Variants in ANKS1A observed in about 807,000 individuals in gnomAD.
The protein encoded by ANKS1A is ankyrin repeat and SAM domain-containing protein 1A.
ANKS1A carries 55 observed loss-of-function variants against 120.3 expected under a neutral mutation model. That is an observed-to-expected ratio of 0.46 (90% CI 0.37 to 0.57). The LOEUF (loss-of-function observed/expected upper bound fraction) is 0.57. ANKS1A is among the 20% of genes least tolerant of loss of function. The probability of loss-of-function intolerance (pLI) is 0.00; values close to 1 mark genes in which losing one functional copy is unlikely to be tolerated. For missense variants in ANKS1A, 1,123 were observed against 1,480.3 expected, an observed-to-expected ratio of 0.76 and a Z score of 3.96; for synonymous variants, 590 against 604.7, an observed-to-expected ratio of 0.98 and a Z score of 0.36.
intron 1 of ANKS1A, among the ~76,000 whole-genome samples, chr6:34,927,661 A>C (rs1346880540): frequency 6.6e-6 from 1 of 152,150 alleles, no homozygotes; most frequent in African/African-American, 2.4e-5. Flanking sequence ...CTTGGGCATA[A>C]AGAGGCAGGT....
intron 13 of ANKS1A, among the ~76,000 whole-genome samples, chr6:35,063,447 G>A (rs1214819611): frequency 1.3e-5 from 2 of 152,370 alleles, no homozygotes; most frequent in South Asian, 4.1e-4. Flanking sequence ...TTGAATAAAC[G>A]ATGGTGGTCC....
rs910680217 is a variant in ANKS1A at position 35,058,888 on chromosome 6, G to A, written c.2078-1259G>A. On this transcript the variant is annotated intron_variant, in intron 12 of 23. Transcript: ENST00000360359. The surrounding 1 kb of genome is among the most constrained non-coding windows in gnomAD (Gnocchi z 5.1). ...CCAAAATCCCCATGCTGATCGAGGAGCAAATAGATGTCCTCCCTTCCCTGC... is the reference window on the plus strand; with the variant it reads ...CCAAAATCCCCATGCTGATCGAGGAACAAATAGATGTCCTCCCTTCCCTGC... 6.6e-6 allele frequency among the ~76,000 whole-genome samples: 1 copy of A among 152,184 alleles called. No homozygotes were observed. The highest frequency in any genetic ancestry group is 1.5e-5 in the Non-Finnish European group (1 of 68,036).
At chr6:35,059,564 C>T (rs1261017718) in intron 12 of ANKS1A, among the ~76,000 whole-genome samples, 2 of 152,240 alleles carry the variant, frequency 1.3e-5, no homozygotes, top group African/African-American at 2.4e-5. Context: ...GCTTCCCTCC[C>T]GGAGCCCTCG....
chr6:34,904,718 G>A (rs1007171802), intron 1 of ANKS1A, among the ~76,000 whole-genome samples: 5 of 152,206 alleles, frequency 3.3e-5, no homozygotes, highest in South Asian at 2.1e-4. Flanking sequence ...GTGACAGAGC[G>A]AGACTCCATA....
At chr6:34,926,383 C>T (rs2127469868) in intron 1 of ANKS1A, among the ~76,000 whole-genome samples, 1 of 152,274 alleles carries the variant, frequency 6.6e-6, no homozygotes, top group Middle Eastern at 3.4e-3. Flanking sequence ...CCATTCATGC[C>T]TGTGATGGGG....
chr6:34,994,312 T>C lies in ANKS1A; in HGVS notation c.1313T>C (p.Met438Thr), dbSNP rs770191628. ...GTTTCTCTCCCTTAGGTTCTGTCCA[T>C]GAGACCTAGGATTCATGGGAGTGCA... is the stretch of plus-strand genomic sequence containing the variant. ...FPLTASEVLS[M>T]RPRIHGSAAR... Residue 438 changes from methionine (M) to threonine (T), a missense_variant, in exon 10 of 24, where the codon ATG (methionine) becomes ACG (threonine). Physicochemically the swap from Met to Thr is moderately conservative, Grantham distance 81. Transcript: ENST00000360359. 51 of 1,612,254 alleles carry C rather than the reference T, an allele frequency of 3.2e-5. No individual in the cohort carries two copies. The highest frequency in any genetic ancestry group is 4.2e-5 in the Non-Finnish European group (49 of 1,178,740).
chr6:35,054,383 G>A (rs900887237), intron 12 of ANKS1A, among the ~76,000 whole-genome samples: 7 of 152,150 alleles, frequency 4.6e-5, no homozygotes, highest in African/African-American at 1.7e-4. Context: ...GAGGGGAAAA[G>A]GGACAAAATG....
At chr6:34,979,214 C>T (rs1019885767) in intron 3 of ANKS1A, among the ~76,000 whole-genome samples, 1 of 152,208 alleles carries the variant, frequency 6.6e-6, no homozygotes, top group Non-Finnish European at 1.5e-5. Context: ...TATTTTTAAG[C>T]TCCCATGTAA....
chr6:35,042,195 C>G (rs1281615563), intron 11 of ANKS1A, among the ~76,000 whole-genome samples: 1 of 152,028 alleles, frequency 6.6e-6, no homozygotes, highest in African/African-American at 2.4e-5. Flanking sequence ...GAACACAGTT[C>G]CTTGTTGTTG....
At chr6:34,953,472 A>C (rs1770190341) in intron 1 of ANKS1A, among the ~76,000 whole-genome samples, 1 of 152,202 alleles carries the variant, frequency 6.6e-6, no homozygotes, top group Non-Finnish European at 1.5e-5. Context: ...GGAATGCAGA[A>C]AACTGGGAAA....
intron 11 of ANKS1A, among the ~76,000 whole-genome samples, chr6:35,024,629 GA>G (rs1774516039): frequency 6.6e-6 from 1 of 152,332 alleles, no homozygotes; most frequent in South Asian, 2.1e-4. Flanking sequence ...GGTAGCTGAG[GA>G]AACCCTTGGC....
intron 1 of ANKS1A, among the ~76,000 whole-genome samples, chr6:34,948,375 CT>C (rs891134955): frequency 2.0e-5 from 3 of 152,084 alleles, no homozygotes; most frequent in Non-Finnish European, 4.4e-5. Context: ...CTGAATATAA[CT>C]TTTAGAAAAG....
At chr6:34,916,434 A>C (rs560738823) in intron 1 of ANKS1A, among the ~76,000 whole-genome samples, 1 of 152,336 alleles carries the variant, frequency 6.6e-6, no homozygotes, top group African/African-American at 2.4e-5. Flanking sequence ...TGTGAAAATA[A>C]AATTACTTTG....
At chr6:34,999,283 G>C (rs1441092205) in intron 10 of ANKS1A, among the ~76,000 whole-genome samples, 3 of 152,206 alleles carry the variant, frequency 2.0e-5, no homozygotes, top group Admixed American at 6.5e-5. Flanking sequence ...CACCCATGGC[G>C]TGCCTGTACC....
rs1166557490 is a variant in ANKS1A, at chr6:34,974,027, T to TCCCTTC, written c.435+3874_435+3879dup. Among the ~76,000 whole-genome samples the TCCCTTC allele has an allele frequency of 1.7e-3, 85 of 51,418 alleles. 5 individuals carry two copies. The highest frequency in any genetic ancestry group is 4.2e-3 in the African/African-American group (42 of 10,026). The allele number at this position is 51,418 out of a possible 152,430, so 33.7% of individuals were successfully genotyped here. A position where few individuals can be genotyped will look rare whatever the true frequency, so the allele number is the denominator to read the frequency against. On this transcript the variant is annotated intron_variant, in intron 3 of 23. Transcript: ENST00000360359. ...CTTCCCCTTCCTCTTCCCTTTCCCT[T>TCCCTTC]CCCTTCCCCTTCCCCTTCTCTTCCC...
chr6:34,989,124 C>T, intron 8 of ANKS1A, 100 bp from the exon 9 acceptor site: 1 of 1,045,980 alleles, frequency 9.6e-7, no homozygotes, highest in Non-Finnish European at 1.4e-6. Context: ...GAGTTCCATA[C>T]ATTATTTTTT....
In ANKS1A at chr6:34,989,287, A is replaced by G; in HGVS notation, c.1273A>G (p.Lys425Glu). 1 of 1,614,052 alleles carries G rather than the reference A, an allele frequency of 6.2e-7. No homozygotes were observed. The highest frequency in any genetic ancestry group is 8.5e-7 in the Non-Finnish European group (1 of 1,179,920). ...PDEEEEDHID[K>E]KYFPLTASEV... ...TGAAGAGGAAGAAGACCACATAGAT[A>G]AGAAGTATTTTCCCTTGACAGCTTC... The change falls in exon 9 of 24, where the codon AAG (lysine) becomes GAG (glutamate). Residue 425 changes from lysine (K) to glutamate (E), a missense_variant. Around this residue, in one of 3 missense-constraint regions of ANKS1A, gnomAD observed 904 missense variants for 1,130.4 expected, o/e 0.80. Coordinates refer to ENST00000360359, the MANE Select transcript of ANKS1A (RefSeq NM_015245.3).
chr6:34,978,207 C>T (rs1373885950), intron 3 of ANKS1A, among the ~76,000 whole-genome samples: 2 of 152,112 alleles, frequency 1.3e-5, no homozygotes, highest in African/African-American at 2.4e-5. Flanking sequence ...CTGCCCACTT[C>T]GGCTTCCCAC....
At position 34,961,031 on chromosome 6, in the gene ANKS1A, C is replaced by G. The variant is rs1329523822; in HGVS notation, c.198-6208C>G. 6.6e-5 allele frequency among the ~76,000 whole-genome samples: 10 copies of G among 152,190 alleles called. No individual in the cohort carries two copies. The East Asian group carries it at 1.7e-3, about 26-fold the overall frequency. ...AGGCTTGCTGTGACTGCTCCAGGAC[C>G]CATTAAGATCAGTCTGAGCATTTGT... On this transcript the variant is annotated intron_variant, in intron 1 of 23. Transcript: ENST00000360359.
Sources: allele counts gnomAD v4.1 joint callset (sites outside exome capture counted in the v4.1 genomes callset), GRCh38; gene constraint gnomAD v4.1.1; regional missense constraint gnomAD v4.1.1; non-coding constraint Gnocchi (gnomAD v3.1); transcripts MANE v1.5; gene names NCBI Gene and HGNC (gene_info 2026-07-23, HGNC 2026-07-21).